The following NCOA1 variants were observed in gnomAD, a reference collection of about 807,000 sequenced individuals.
NCOA1 encodes the protein nuclear receptor coactivator 1.
A neutral mutation model predicts 150.9 loss-of-function variants in NCOA1; 35 were observed. That is an observed-to-expected ratio of 0.23 (90% CI 0.18 to 0.31). The LOEUF (loss-of-function observed/expected upper bound fraction) is 0.31, where lower values mean the gene tolerates loss of function less well. Among genes scored for constraint, NCOA1 ranks in the 10% least tolerant of loss-of-function variants. The probability of loss-of-function intolerance (pLI) is 1.00; values close to 1 mark genes in which losing one functional copy is unlikely to be tolerated. For missense variants in NCOA1, 1,491 were observed against 1,749.3 expected (o/e 0.85, Z 2.63); for synonymous variants, 590 against 630.0 (o/e 0.94, Z 0.95).
At position 24,770,081 on chromosome 2, in the gene NCOA1, T is replaced by C. The variant is rs1285831587; in HGVS notation, c.*1690T>C. The C allele has an allele frequency of 1.0e-4, 24 of 229,674 alleles. No individual in the cohort carries two copies. In the Admixed American group the frequency reaches 1.4e-3, roughly 13 times the overall value. The allele number at this position is 229,674 out of a possible 1,614,324, so 14.2% of individuals were successfully genotyped here. On this transcript the variant is annotated 3_prime_UTR_variant, in exon 23 of 23. Transcript: ENST00000348332. ...CAGAAACTATGCCGAATAAAAAGAT[T>C]GGTGGAAGGGCTCATGTGGTTAGCA...
chr2:24,523,954 G>GA (rs1664546537), intron 1 of NCOA1, among the ~76,000 whole-genome samples: 1 of 70,050 alleles, frequency 1.4e-5, no homozygotes, highest in Non-Finnish European at 3.3e-5. Context: ...AAAAAAAAAA[G>GA]AAACTGGGCT....
At chr2:24,638,180 C>CTTTTT (rs544369191) in intron 3 of NCOA1, among the ~76,000 whole-genome samples, 9 of 89,530 alleles carry the variant, frequency 1.0e-4, no homozygotes, top group African/African-American at 1.9e-4. Flanking sequence ...ATGAGATCAA[C>CTTTTT]TTTTTTTTTT....
intron 3 of NCOA1, among the ~76,000 whole-genome samples, chr2:24,596,763 G>A (rs1667902736): frequency 6.6e-6 from 1 of 151,990 alleles, no homozygotes; most frequent in Non-Finnish European, 1.5e-5. Context: ...TCAAAATAAA[G>A]GTTTTATGAT....
intron 14 of NCOA1, among the ~76,000 whole-genome samples, chr2:24,725,093 C>G (rs1425715676): frequency 6.6e-6 from 1 of 151,996 alleles, no homozygotes; most frequent in African/African-American, 2.4e-5. Context: ...AGAAGTGAGC[C>G]TTGCATGTAT....
At chr2:24,697,347 A>C (rs941291729) in intron 10 of NCOA1, among the ~76,000 whole-genome samples, 4 of 152,188 alleles carry the variant, frequency 2.6e-5, no homozygotes, top group Non-Finnish European at 5.9e-5. Flanking sequence ...GCAGAATCCA[A>C]AGACCAAGCC....
intron 16 of NCOA1, among the ~76,000 whole-genome samples, chr2:24,729,069 G>C (rs191605514): frequency 2.2e-3 from 334 of 152,264 alleles, no homozygotes; most frequent in African/African-American, 7.7e-3. Context: ...AAACCATAAC[G>C]CTACAGCTTT....
intron 3 of NCOA1, among the ~76,000 whole-genome samples, chr2:24,586,376 T>TTTTGTTTG (rs113339929): frequency 0.055 from 8,291 of 151,516 alleles, 307 homozygotes; most frequent in Non-Finnish European, 0.078. Context: ...GCTTGAGGCT[T>TTTTGTTTG]TTTGTTTGTT....
At chr2:24,639,933 TA>T (rs1670120873) in intron 3 of NCOA1, among the ~76,000 whole-genome samples, 1 of 19,716 alleles carries the variant, frequency 5.1e-5, no homozygotes, top group Non-Finnish European at 1.1e-4. Context: ...TATATATATA[TA>T]TATATATATA....
chr2:24,646,578 G>A lies in NCOA1; in HGVS notation c.-18+2456G>A, dbSNP rs1670483398. 2.0e-5 allele frequency among the ~76,000 whole-genome samples: 3 copies of A among 151,976 alleles called. No homozygotes were observed. In the South Asian group the frequency reaches 6.2e-4, roughly 31 times the overall value. On this transcript the variant is annotated intron_variant, in intron 4 of 22. Coordinates refer to ENST00000348332, the MANE Select transcript of NCOA1 (RefSeq NM_003743.5). Reference sequence around the variant, plus strand: ...AGGGCCTTCCATGATAGTGACATTGGAGAAGAGTACAGGTCAGCTATTTTG... The same window carrying A: ...AGGGCCTTCCATGATAGTGACATTGAAGAAGAGTACAGGTCAGCTATTTTG...
At chr2:24,531,598 C>T (rs1189364125) in intron 1 of NCOA1, among the ~76,000 whole-genome samples, 1 of 152,056 alleles carries the variant, frequency 6.6e-6, no homozygotes, top group Non-Finnish European at 1.5e-5. Flanking sequence ...TAATGCCATC[C>T]CTCCACCAGC....
chr2:24,686,487 G>C (rs1441681719), intron 8 of NCOA1, among the ~76,000 whole-genome samples: 1 of 152,170 alleles, frequency 6.6e-6, no homozygotes, highest in Non-Finnish European at 1.5e-5. Context: ...GATTAGGCAT[G>C]CTGCTTTCTA....
intron 10 of NCOA1, among the ~76,000 whole-genome samples, chr2:24,693,798 G>A (rs549365083): frequency 3.3e-5 from 5 of 151,712 alleles, no homozygotes; most frequent in African/African-American, 1.2e-4. Context: ...AGAAGTGCCT[G>A]TCATTAGGTG....
At chr2:24,545,977 T>TG (rs1298197375) in intron 1 of NCOA1, among the ~76,000 whole-genome samples, 1 of 152,064 alleles carries the variant, frequency 6.6e-6, no homozygotes, top group East Asian at 1.9e-4. Flanking sequence ...TTAGTAGAGA[T>TG]GGGGTTTCAC....
At chr2:24,633,717 T>C (rs866171581) in intron 3 of NCOA1, among the ~76,000 whole-genome samples, 3 of 152,338 alleles carry the variant, frequency 2.0e-5, no homozygotes, top group Non-Finnish European at 1.5e-5. Flanking sequence ...GGAAAATGGC[T>C]GTCTCAAACT....
chr2:24,532,054 C>G (rs1223574269), intron 1 of NCOA1, among the ~76,000 whole-genome samples: 2 of 152,190 alleles, frequency 1.3e-5, no homozygotes, highest in Non-Finnish European at 2.9e-5. Flanking sequence ...AATGGTTGAA[C>G]TGATTTACAC....
intron 7 of NCOA1, among the ~76,000 whole-genome samples, chr2:24,682,414 A>C (rs1672215903): frequency 6.6e-6 from 1 of 152,096 alleles, no homozygotes; most frequent in African/African-American, 2.4e-5. Context: ...TAGAGGTTCT[A>C]ACTTTTCCCG....
At chr2:24,677,711 A>G (rs1671983955) in intron 7 of NCOA1, among the ~76,000 whole-genome samples, 1 of 152,190 alleles carries the variant, frequency 6.6e-6, no homozygotes, top group Non-Finnish European at 1.5e-5. Context: ...GGCATAAGTT[A>G]CCATGCCTGG....
intron 1 of NCOA1, among the ~76,000 whole-genome samples, chr2:24,559,595 A>G (rs2148248821): frequency 6.6e-6 from 1 of 152,182 alleles, no homozygotes. Context: ...CTGGGCATCA[A>G]CTGGGCTCTC....
intron 14 of NCOA1, among the ~76,000 whole-genome samples, chr2:24,724,066 GT>G (rs202164932): frequency 2.9e-4 from 44 of 149,850 alleles, no homozygotes; most frequent in African/African-American, 6.6e-4. Context: ...TATAAGGGGG[GT>G]TTTTTTGTTT....
Sources: gnomAD v4.1 joint callset for allele counts (sites outside exome capture counted in the v4.1 genomes callset) on GRCh38, gnomAD v4.1.1 for gene constraint, MANE v1.5 for transcripts, NCBI Gene and HGNC (gene_info 2026-07-23, HGNC 2026-07-21) for gene names.